Variants in ANKFY1 observed in about 807,000 individuals in gnomAD.
ANKFY1 encodes the protein ankyrin repeat and FYVE domain containing 1.
Under a neutral mutation model 128.3 loss-of-function variants are expected in ANKFY1, and 47 were observed. The ratio of observed to expected loss-of-function variants is 0.37; its 90% CI spans 0.29 to 0.47. The LOEUF (loss-of-function observed/expected upper bound fraction) is 0.47, where lower values mean the gene tolerates loss of function less well. Among genes scored for constraint, ANKFY1 ranks in the 20% least tolerant of loss-of-function variants. The pLI is 1.00. For missense variants in ANKFY1, 1,222 were observed against 1,510.6 expected, an observed-to-expected ratio of 0.81 and a Z score of 3.17; for synonymous variants, 553 against 601.6, an observed-to-expected ratio of 0.92 and a Z score of 1.18.
chr17:4,243,355 C>T (rs555417152), intron 1 of ANKFY1, among the ~76,000 whole-genome samples: 2 of 151,740 alleles, frequency 1.3e-5, no homozygotes, highest in East Asian at 1.9e-4. Flanking sequence ...CATGAGCTAC[C>T]GCGCCCAGCC....
In ANKFY1 at chr17:4,216,972, C is replaced by G. The variant is rs1227770120; in HGVS notation, c.458+11G>C. On this transcript the variant is annotated intron_variant, in intron 4 of 24. Coordinates refer to ENST00000341657, the MANE Select transcript of ANKFY1 (RefSeq NM_001330063.2). ...CATCTGAGGTGCTTGAATATATCTG[C>G]TGTGACTTGCCTCTCCCTGAGGAGC... 2 of 1,613,892 alleles carry G rather than the reference C, an allele frequency of 1.2e-6. No homozygotes were observed. Among genetic ancestry groups the G allele is most frequent in the African/African-American group, 1.3e-5 (1 of 74,936 alleles).
rs1328463929 is a variant in ANKFY1, at chr17:4,189,641, G to GAC, written c.1373-163_1373-162insGT. Among the ~76,000 whole-genome samples the GAC allele has an allele frequency of 1.7e-3, 264 of 151,708 alleles. 3 individuals are homozygous for GAC. Among genetic ancestry groups the GAC allele is most frequent in the African/African-American group, 6.3e-3 (259 of 41,084 alleles). On this transcript the variant is annotated intron_variant, in intron 10 of 24. Coordinates refer to ENST00000341657, the MANE Select transcript of ANKFY1 (RefSeq NM_001330063.2). ...CACGCCAGACAGTAGGCCCACGCCA[G>GAC]AGAGTAGGCCCACGCCAGAGAGTAG...
chr17:4,208,837 T>A (rs1040758333), intron 5 of ANKFY1, among the ~76,000 whole-genome samples: 1 of 152,136 alleles, frequency 6.6e-6, no homozygotes, highest in East Asian at 1.9e-4. Flanking sequence ...GGCGGATCGA[T>A]CACCTGAGGT....
chr17:4,258,296 C>T (rs916721553), intron 1 of ANKFY1, among the ~76,000 whole-genome samples: 17 of 152,004 alleles, frequency 1.1e-4, no homozygotes, highest in Admixed American at 1.0e-3. Flanking sequence ...GAGGCCGAGG[C>T]GGGCGGATCA....
At position 4,201,545 on chromosome 17, in the gene ANKFY1, T is replaced by C. The variant is rs187170238; in HGVS notation, c.899-3968A>G. 3.0e-3 allele frequency among the ~76,000 whole-genome samples: 460 copies of C among 151,092 alleles called. 2 individuals are homozygous for C. The highest frequency in any genetic ancestry group is 0.01 in the African/African-American group (420 of 41,038). ...ATACAAAACAGAACCTGGGAAATGT[T>C]TGAGAAGAAAATGGATTTGACTGGT... On this transcript the variant is annotated intron_variant, in intron 7 of 24. Transcript: ENST00000341657.
rs142541349 is a variant in ANKFY1 at position 4,185,363 on chromosome 17, A to G, written c.1471-317T>C. 5.1e-3 allele frequency among the ~76,000 whole-genome samples: 773 copies of G among 151,816 alleles called. 6 individuals are homozygous for G. The highest frequency in any genetic ancestry group is 0.018 in the African/African-American group (730 of 41,358). ...TGGGATTACAGGCACGCACCACCACACCCAGCTAATTTTTGTATTTTTAGT... is the reference window on the plus strand; with the variant it reads ...TGGGATTACAGGCACGCACCACCACGCCCAGCTAATTTTTGTATTTTTAGT... On this transcript the variant is annotated intron_variant, in intron 11 of 24. Transcript: ENST00000341657.
chr17:4,205,378 G>GT (rs1488745662), intron 7 of ANKFY1, among the ~76,000 whole-genome samples: 2 of 152,072 alleles, frequency 1.3e-5, no homozygotes, highest in Non-Finnish European at 2.9e-5. Flanking sequence ...TCATGAATTA[G>GT]TAAGACTATG....
At chr17:4,234,302 A>G (rs1262388477) in intron 3 of ANKFY1, among the ~76,000 whole-genome samples, 1 of 152,192 alleles carries the variant, frequency 6.6e-6, no homozygotes, top group Non-Finnish European at 1.5e-5. Flanking sequence ...GAATATTAAT[A>G]CTAGAATTAA....
At position 4,184,931 on chromosome 17, in the gene ANKFY1, T is replaced by A. The variant is rs777212420; in HGVS notation, c.1586A>T (p.Lys529Met). The A allele has an allele frequency of 3.0e-5, 48 of 1,613,982 alleles. No individual in the cohort carries two copies. The highest frequency in any genetic ancestry group is 2.5e-6 in the Non-Finnish European group (3 of 1,180,046). Residue 529 changes from lysine (K) to methionine (M), a missense_variant, in exon 12 of 25, where the codon AAG (lysine) becomes ATG (methionine). Lys to Met is a moderately conservative substitution (Grantham distance 95, BLOSUM62 -1). Transcript: ENST00000341657. ...CAAGCTGGTCAGGGATGCGGCCTCCTTTGGCAGAGGCAGAGCTTCCTCCGT... is the reference window on the plus strand; with the variant it reads ...CAAGCTGGTCAGGGATGCGGCCTCCATTGGCAGAGGCAGAGCTTCCTCCGT... ...LQTEEALPLP[K>M]EAASLTSLAD...
chr17:4,194,232 G>A (rs1598049397), intron 10 of ANKFY1, among the ~76,000 whole-genome samples: 1 of 150,002 alleles, frequency 6.7e-6, no homozygotes, highest in South Asian at 2.1e-4. Flanking sequence ...CCTTTCCTGA[G>A]TAGCTGGGAT....
chr17:4,168,832 G>A (rs1214907616), intron 24 of ANKFY1: 2 of 196,008 alleles, frequency 1.0e-5, no homozygotes, highest in Admixed American at 5.3e-5. Context: ...TCATTTTAAT[G>A]GGAACAGCCC....
intron 1 of ANKFY1, among the ~76,000 whole-genome samples, chr17:4,257,309 C>A (rs1199050452): frequency 6.6e-6 from 1 of 152,196 alleles, no homozygotes; most frequent in African/African-American, 2.4e-5. Context: ...CCCAATCCAT[C>A]CTCTACACTG....
intron 7 of ANKFY1, among the ~76,000 whole-genome samples, chr17:4,198,015 G>C (rs1353705691): frequency 6.6e-6 from 1 of 152,002 alleles, no homozygotes; most frequent in African/African-American, 2.4e-5. Context: ...TGTAATCCCA[G>C]CTACTTGGGA....
intron 12 of ANKFY1, 107 bp from the exon 13 acceptor site, chr17:4,184,017 C>A: frequency 1.1e-6 from 1 of 876,856 alleles, no homozygotes; most frequent in South Asian, 1.5e-5. Flanking sequence ...ATAATATGAT[C>A]AATGCTATAA....
At chr17:4,248,939 G>C (rs1403685791) in intron 1 of ANKFY1, among the ~76,000 whole-genome samples, 2 of 152,170 alleles carry the variant, frequency 1.3e-5, no homozygotes, top group Admixed American at 1.3e-4. Flanking sequence ...TGCAGTCTAT[G>C]ATCAGACTTT....
chr17:4,172,753 TG>T, intron 21 of ANKFY1, 73 bp from the exon 22 acceptor site: 1 of 1,562,288 alleles, frequency 6.4e-7, no homozygotes, highest in Non-Finnish European at 8.7e-7. Flanking sequence ...TAGAATTTTC[TG>T]AACTCTGTGA....
intron 3 of ANKFY1, among the ~76,000 whole-genome samples, chr17:4,228,980 A>C (rs930726669): frequency 1.2e-4 from 19 of 152,174 alleles, no homozygotes; most frequent in African/African-American, 4.6e-4. Flanking sequence ...AGCACTCAAA[A>C]CACCACCACC....
At chr17:4,172,477 G>T in intron 22 of ANKFY1, 79 bp downstream of exon 22, 1 of 1,555,446 alleles carries the variant, frequency 6.4e-7, no homozygotes, top group South Asian at 1.2e-5. Flanking sequence ...CTCAGATAAC[G>T]ACGTGTGCCT....
intron 7 of ANKFY1, among the ~76,000 whole-genome samples, chr17:4,198,995 T>G (rs1333343700): frequency 1.3e-5 from 2 of 151,730 alleles, no homozygotes; most frequent in Admixed American, 1.3e-4. Flanking sequence ...GGAGACCCCA[T>G]CTCTACAAAA....
Sources: allele counts gnomAD v4.1 joint callset (sites outside exome capture counted in the v4.1 genomes callset), GRCh38; gene constraint gnomAD v4.1.1; transcripts MANE v1.5; gene names NCBI Gene and HGNC (gene_info 2026-07-23, HGNC 2026-07-21).